The following OSBP2 variants were observed in gnomAD, a reference collection of about 807,000 sequenced individuals.
The protein encoded by OSBP2 is oxysterol binding protein 2.
A neutral mutation model predicts 96.0 loss-of-function variants in OSBP2; 66 were observed. That is an observed-to-expected ratio of 0.69 (90% CI 0.56 to 0.84). The LOEUF (loss-of-function observed/expected upper bound fraction) is 0.84. OSBP2 is among the 40% of genes least tolerant of loss of function. The pLI is 0.00. For synonymous variants in OSBP2, 525 were observed against 520.9 expected (o/e 1.01, Z -0.11); for missense variants, 1,038 against 1,222.7 (o/e 0.85, Z 2.25).
chr22:30,707,610 G>C (rs531873173), intron 1 of OSBP2, among the ~76,000 whole-genome samples: 1 of 151,424 alleles, frequency 6.6e-6, no homozygotes, highest in Non-Finnish European at 1.5e-5. Context: ...CCAGCTACTC[G>C]GGAGGCTGAG....
rs1236067718 is a variant in OSBP2 at position 30,890,175 on chromosome 22, G to A, written c.1623+539G>A. On this transcript the variant is annotated intron_variant, in intron 7 of 13. Transcript: ENST00000332585. The surrounding 1 kb of genome is among the most constrained non-coding windows in gnomAD (Gnocchi z 4.4). ...CATGTGTAGGGTGGGGAGAAACACA[G>A]CGTCCTCTTCAGTGTCTGGGAGGAT... Among the ~76,000 whole-genome samples, 2 of 152,160 alleles carry A rather than the reference G, an allele frequency of 1.3e-5. No homozygotes were observed. The highest frequency in any genetic ancestry group is 2.9e-5 in the Non-Finnish European group (2 of 68,008).
intron 1 of OSBP2, among the ~76,000 whole-genome samples, chr22:30,703,288 C>T (rs2089192417): frequency 6.6e-6 from 1 of 151,698 alleles, no homozygotes; most frequent in Admixed American, 6.6e-5. Flanking sequence ...ATTTTCCTGC[C>T]TCAGCCTCTG....
At chr22:30,822,484 G>A (rs1372158732) in intron 2 of OSBP2, 2 of 1,336,922 alleles carry the variant, frequency 1.5e-6, no homozygotes, top group Non-Finnish European at 9.6e-7. Context: ...GGCGGCAGTG[G>A]TGCATTGTGG....
At chr22:30,858,435 CG>C (rs2039132148) in intron 2 of OSBP2, among the ~76,000 whole-genome samples, 1 of 151,744 alleles carries the variant, frequency 6.6e-6, no homozygotes, top group Non-Finnish European at 1.5e-5. Flanking sequence ...TGTGAGCCAC[CG>C]CGCCCGGCCT....
rs1489042127 is a variant in OSBP2 at position 30,695,434 on chromosome 22, C to T, written c.525C>T (p.Ala175=). ...CGGGGACTGGCACGACCTCCAGTGC[C>T]CCACTGGCCTTACTGCCTCTGGACA... ...PMSGTGTTSS[A]PLALLPLDSF... The change falls in exon 1 of 14, where the codon GCC becomes GCT. Residue 175 remains alanine, a synonymous_variant. Transcript: ENST00000332585. The T allele has an allele frequency of 6.2e-7, 1 of 1,613,590 alleles. No individual in the cohort carries two copies. The highest frequency in any genetic ancestry group is 2.2e-5 in the East Asian group (1 of 44,896).
chr22:30,780,133 A>G (rs2090496988), intron 2 of OSBP2, among the ~76,000 whole-genome samples: 2 of 152,254 alleles, frequency 1.3e-5, no homozygotes, highest in Admixed American at 1.3e-4. Context: ...TCAGTCCTTG[A>G]GGGGCCCACA....
chr22:30,696,812 C>G (rs557244527), intron 1 of OSBP2, among the ~76,000 whole-genome samples: 3 of 152,152 alleles, frequency 2.0e-5, no homozygotes, highest in African/African-American at 4.8e-5. Context: ...CGTCACCATG[C>G]CCGGCTAATT....
intron 3 of OSBP2, among the ~76,000 whole-genome samples, chr22:30,872,142 G>A (rs5994353): frequency 0.77 from 117,395 of 152,174 alleles, 45,473 homozygotes; most frequent in East Asian, 0.86. Flanking sequence ...GCCACCCTGC[G>A]TGTTGGCCCC....
At chr22:30,902,134 A>C (rs1035581635) in intron 12 of OSBP2, 8 of 198,172 alleles carry the variant, frequency 4.0e-5, no homozygotes, top group South Asian at 1.1e-4. Flanking sequence ...ACGAAAAAAA[A>C]AAAACCAAAA....
intron 1 of OSBP2, among the ~76,000 whole-genome samples, chr22:30,739,599 C>T (rs1344647299): frequency 6.6e-6 from 1 of 151,998 alleles, no homozygotes; most frequent in Admixed American, 6.6e-5. Context: ...CCCAGCCTCC[C>T]AAGTAGCTGG....
chr22:30,888,981 C>T (rs1013951972), intron 5 of OSBP2, among the ~76,000 whole-genome samples, 196 bp from the exon 6 acceptor site: 3 of 152,168 alleles, frequency 2.0e-5, no homozygotes, highest in African/African-American at 2.4e-5. Flanking sequence ...ATATGATAGT[C>T]TTATGGGACC....
chr22:30,902,174 T>G, intron 12 of OSBP2: 1 of 668,240 alleles, frequency 1.5e-6, no homozygotes, highest in Non-Finnish European at 2.5e-6. Flanking sequence ...ACGGCAGTAC[T>G]GGTGGCCATG....
At chr22:30,719,039 ATC>A (rs1193782508) in intron 1 of OSBP2, among the ~76,000 whole-genome samples, 1 of 152,188 alleles carries the variant, frequency 6.6e-6, no homozygotes, top group African/African-American at 2.4e-5. Context: ...GTTTGAATTT[ATC>A]TGTCAGCTTA....
intron 2 of OSBP2, among the ~76,000 whole-genome samples, chr22:30,763,266 A>G (rs2090229130): frequency 6.6e-6 from 1 of 152,204 alleles, no homozygotes; most frequent in African/African-American, 2.4e-5. Flanking sequence ...CCCTGCTAAA[A>G]CAGAATGAGA....
At chr22:30,819,057 A>G (rs1003154826) in intron 2 of OSBP2, among the ~76,000 whole-genome samples, 33 of 152,218 alleles carry the variant, frequency 2.2e-4, no homozygotes, top group African/African-American at 7.5e-4. Context: ...CCCGTGGGCC[A>G]GGTGCTGTGG....
intron 1 of OSBP2, among the ~76,000 whole-genome samples, chr22:30,725,353 C>G (rs2089628898): frequency 6.6e-6 from 1 of 151,376 alleles, no homozygotes; most frequent in Non-Finnish European, 1.5e-5. Flanking sequence ...ACTAAAAATA[C>G]AAGAATTAGC....
At chr22:30,888,044 T>C (rs1369653534) in intron 4 of OSBP2, among the ~76,000 whole-genome samples, 179 bp from the exon 5 acceptor site, 1 of 151,944 alleles carries the variant, frequency 6.6e-6, no homozygotes, top group Non-Finnish European at 1.5e-5. Flanking sequence ...TGAAAGCACA[T>C]GATTCTAGCA....
At chr22:30,811,505 G>T (rs556706048) in intron 2 of OSBP2, among the ~76,000 whole-genome samples, 1 of 150,188 alleles carries the variant, frequency 6.7e-6, no homozygotes, top group African/African-American at 2.4e-5. Flanking sequence ...ACCACCATGC[G>T]TGGCTATATT....
intron 1 of OSBP2, among the ~76,000 whole-genome samples, chr22:30,707,307 G>C (rs1473255351): frequency 6.6e-6 from 1 of 151,824 alleles, no homozygotes; most frequent in East Asian, 2.0e-4. Context: ...ATATTGGCCA[G>C]GATGGTCTTG....
Sources: allele counts gnomAD v4.1 joint callset (sites outside exome capture counted in the v4.1 genomes callset), GRCh38; gene constraint gnomAD v4.1.1; non-coding constraint Gnocchi (gnomAD v3.1); transcripts MANE v1.5; gene names NCBI Gene and HGNC (gene_info 2026-07-23, HGNC 2026-07-21).